LAMC2: variants seen among roughly 807,000 people sequenced by gnomAD.
LAMC2 encodes laminin subunit gamma-2.
A neutral mutation model predicts 140.2 loss-of-function variants in LAMC2; 97 were observed. That is an observed-to-expected ratio of 0.69 (90% CI 0.59 to 0.82). LAMC2 has a LOEUF of 0.82. Among genes scored for constraint, LAMC2 ranks in the 40% least tolerant of loss-of-function variants. The pLI is 0.00. For synonymous variants in LAMC2, 513 were observed against 540.2 expected (o/e 0.95, Z 0.70); for missense variants, 1,402 against 1,476.1 (o/e 0.95, Z 0.82).
At chr1:183,223,392 T>C in intron 7 of LAMC2, 68 bp downstream of exon 7, 3 of 1,436,368 alleles carry the variant, frequency 2.1e-6, no homozygotes, top group South Asian at 2.3e-5. Flanking sequence ...TTGTTCTTTA[T>C]TCATTCAATC....
chr1:183,238,322 C>T lies in LAMC2; in HGVS notation c.2770C>T (p.Leu924Phe), dbSNP rs764635286. ...CTTTTTACAGAAATCAGATCAGCTG[C>T]TTTCCCGTGCCAATCTTGCTAAAAG... ...KSGREKSDQL[L>F]SRANLAKSRA... Residue 924 changes from leucine to phenylalanine, a missense_variant, in exon 19 of 23, where the codon CTT becomes TTT. Leu to Phe is a conservative substitution (Grantham distance 22, BLOSUM62 0). Transcript: ENST00000264144. 2.5e-6 allele frequency: 4 copies of T among 1,613,612 alleles called. No homozygotes were observed. Among genetic ancestry groups the T allele is most frequent in the Non-Finnish European group, 2.5e-6 (3 of 1,179,566 alleles).
intron 1 of LAMC2, among the ~76,000 whole-genome samples, chr1:183,192,298 G>A (rs1051534952): frequency 1.3e-5 from 2 of 152,150 alleles, no homozygotes; most frequent in African/African-American, 4.8e-5. Context: ...ATGTATCTCC[G>A]CATTAGAAAA....
chr1:183,197,539 GC>G (rs1177752743), intron 1 of LAMC2, among the ~76,000 whole-genome samples: 6 of 152,228 alleles, frequency 3.9e-5, no homozygotes, highest in African/African-American at 1.4e-4. Context: ...AGCCGGGCGT[GC>G]TGGCGGGCGC....
intron 7 of LAMC2, among the ~76,000 whole-genome samples, chr1:183,224,661 G>A (rs149330847): frequency 2.0e-3 from 270 of 132,592 alleles, no homozygotes; most frequent in Non-Finnish European, 3.4e-3. Context: ...CCGAGTATAC[G>A]TGTTCTAATG....
intron 10 of LAMC2, among the ~76,000 whole-genome samples, chr1:183,227,986 T>C (rs542985004): frequency 1.3e-5 from 2 of 152,362 alleles, no homozygotes; most frequent in South Asian, 4.1e-4. Context: ...GGTTTGTTTC[T>C]TAATGAACTA....
intron 3 of LAMC2, among the ~76,000 whole-genome samples, chr1:183,217,214 A>G (rs1659297525): frequency 6.6e-6 from 1 of 152,182 alleles, no homozygotes; most frequent in Non-Finnish European, 1.5e-5. Flanking sequence ...GAGAAGAGAC[A>G]ATAAACTTGG....
intron 3 of LAMC2, among the ~76,000 whole-genome samples, chr1:183,217,529 C>G (rs1006102094): frequency 6.6e-6 from 1 of 152,038 alleles, no homozygotes; most frequent in African/African-American, 2.4e-5. Context: ...AAAACAGTAA[C>G]CAAAAAGAAT....
At chr1:183,231,125 A>AC in intron 12 of LAMC2, 22 bp downstream of exon 12, 1 of 1,613,328 alleles carries the variant, frequency 6.2e-7, no homozygotes, top group Non-Finnish European at 8.5e-7. Context: ...TCCCCTTACC[A>AC]CCCCCAACCC....
chr1:183,232,835 G>A lies in LAMC2; in HGVS notation c.2198G>A (p.Ser733Asn), dbSNP rs2296303. Residue 733 changes from serine to asparagine, a missense_variant, in exon 14 of 23, where the codon AGT becomes AAT. Physicochemically the swap from Ser to Asn is conservative, Grantham distance 46. Transcript: ENST00000264144. ...CAGATGCAGCTGAGCCTGGCAGAAA[G>A]TGAAGCTTCCTTGGGAAACACTGTA... ...ITQMQLSLAESEASLGNTNIP... is the reference protein window; with the variant it reads ...ITQMQLSLAENEASLGNTNIP... 4 of 1,613,906 alleles carry A rather than the reference G, an allele frequency of 2.5e-6. No individual in the cohort carries two copies. Among genetic ancestry groups the A allele is most frequent in the Non-Finnish European group, 3.4e-6 (4 of 1,179,936 alleles).
At chr1:183,214,600 A>G (rs966102923) in intron 2 of LAMC2, among the ~76,000 whole-genome samples, 9 of 152,156 alleles carry the variant, frequency 5.9e-5, no homozygotes, top group African/African-American at 2.2e-4. Flanking sequence ...TATTCTGCTT[A>G]GAGTGGGGGC....
chr1:183,249,083 T>G (rs564363022), downstream of LAMC2: 1 of 152,310 alleles, frequency 6.6e-6, no homozygotes, highest in African/African-American at 2.4e-5. Flanking sequence ...AAGCTGGAGC[T>G]TGAAACTAGA....
At chr1:183,221,275 A>G (rs1392872521) in intron 5 of LAMC2, among the ~76,000 whole-genome samples, 1 of 152,178 alleles carries the variant, frequency 6.6e-6, no homozygotes, top group Non-Finnish European at 1.5e-5. Flanking sequence ...TGGTTTGGAG[A>G]GTGTATGAGT....
At chr1:183,253,074 A>C in the LAMC2 span, among the ~76,000 whole-genome samples, 1 of 152,108 alleles carries the variant, frequency 6.6e-6, no homozygotes, top group African/African-American at 2.4e-5. Context: ...TATGCAAAGC[A>C]CTTAGAAGAG....
chr1:183,235,998 G>T (rs548827998), intron 16 of LAMC2, among the ~76,000 whole-genome samples: 1 of 152,106 alleles, frequency 6.6e-6, no homozygotes, highest in Non-Finnish European at 1.5e-5. Flanking sequence ...TGTTTGAAGG[G>T]TGTGAATAAA....
At chr1:183,213,542 C>T (rs748956310) in intron 2 of LAMC2, among the ~76,000 whole-genome samples, 18 of 152,178 alleles carry the variant, frequency 1.2e-4, no homozygotes, top group Non-Finnish European at 2.2e-4. Flanking sequence ...TGGGTCATGC[C>T]TATAATCCCA....
At chr1:183,222,996 C>T (rs12139018) in intron 6 of LAMC2, 139 bp from the exon 7 acceptor site, 15 of 731,182 alleles carry the variant, frequency 2.1e-5, no homozygotes, top group Non-Finnish European at 3.6e-5. Context: ...AGTACCAGGT[C>T]CTGACTCTCC....
intron 3 of LAMC2, 103 bp from the exon 4 acceptor site, chr1:183,218,287 C>G: frequency 1.1e-6 from 1 of 932,758 alleles, no homozygotes; most frequent in Non-Finnish European, 1.7e-6. Flanking sequence ...CGAAGAAGGA[C>G]TGCCCAGCTT....
intron 15 of LAMC2, among the ~76,000 whole-genome samples, chr1:183,234,857 G>T (rs946448709): frequency 6.6e-6 from 1 of 151,184 alleles, no homozygotes; most frequent in South Asian, 2.1e-4. Context: ...TGCAGAGGGG[G>T]AACTTCCTCC....
At position 183,245,108 on chromosome 1, in the gene LAMC2, C is replaced by G. The variant is rs1404448730; in HGVS notation, c.*1708C>G. Among the ~76,000 whole-genome samples, 1 of 152,056 alleles carries G rather than the reference C, an allele frequency of 6.6e-6. No individual in the cohort carries two copies. The highest frequency in any genetic ancestry group is 1.5e-5 in the Non-Finnish European group (1 of 68,010). On this transcript the variant is annotated 3_prime_UTR_variant, in exon 23 of 23. Transcript: ENST00000264144. ...TATGAGGTTTAACTGATGCTGTCTTCTAAGCATAAAGCTTTATTTCTAGAA... is the reference window on the plus strand; with the variant it reads ...TATGAGGTTTAACTGATGCTGTCTTGTAAGCATAAAGCTTTATTTCTAGAA...
Sources: allele counts gnomAD v4.1 joint callset (sites outside exome capture counted in the v4.1 genomes callset), GRCh38; gene constraint gnomAD v4.1.1; transcripts MANE v1.5; gene names NCBI Gene and HGNC (gene_info 2026-07-23, HGNC 2026-07-21).